The following SHANK2 variants were observed in gnomAD, a reference collection of about 807,000 sequenced individuals.
SHANK2 encodes SH3 and multiple ankyrin repeat domains 2, also known as SH3 and multiple ankyrin repeat domains protein 2.
Under a neutral mutation model 133.7 loss-of-function variants are expected in SHANK2, and 43 were observed. That is an observed-to-expected ratio of 0.32 (90% CI 0.25 to 0.41). The LOEUF (loss-of-function observed/expected upper bound fraction) is 0.41, where lower values mean the gene tolerates loss of function less well. Ranked by LOEUF, SHANK2 falls within the 10% of genes least tolerant of loss-of-function variation. The pLI is 1.00. For missense variants in SHANK2, 1,994 were observed against 2,235.8 expected, an observed-to-expected ratio of 0.89 and a Z score of 2.18; for synonymous variants, 1,017 against 952.8, an observed-to-expected ratio of 1.07 and a Z score of -1.24.
intron 17 of SHANK2, among the ~76,000 whole-genome samples, chr11:70,518,809 G>A (rs2059297060): frequency 1.3e-5 from 2 of 152,214 alleles, no homozygotes; most frequent in Admixed American, 1.3e-4. Context: ...GTTTTTAGCA[G>A]CCACTGGTAA....
chr11:71,099,876 T>C (rs1951689136), intron 6 of SHANK2, among the ~76,000 whole-genome samples: 2 of 151,878 alleles, frequency 1.3e-5, no homozygotes, highest in Non-Finnish European at 2.9e-5. Flanking sequence ...ACATGAGGCC[T>C]CACCTCTACT....
chr11:70,654,406 A>G (rs2061378297), intron 17 of SHANK2: 1 of 152,260 alleles, frequency 6.6e-6, no homozygotes, highest in Non-Finnish European at 1.5e-5. Flanking sequence ...AAATATGAAT[A>G]CTTCGATTCT....
chr11:70,540,200 C>T (rs2059601163), intron 17 of SHANK2, among the ~76,000 whole-genome samples: 1 of 152,212 alleles, frequency 6.6e-6, no homozygotes, highest in Non-Finnish European at 1.5e-5. Context: ...ATTCATTCCA[C>T]AGCCGTGAGT....
intron 11 of SHANK2, among the ~76,000 whole-genome samples, chr11:70,842,732 G>A (rs1169766828): frequency 6.6e-6 from 1 of 152,210 alleles, no homozygotes; most frequent in Non-Finnish European, 1.5e-5. Context: ...CTGTCCTGAA[G>A]CTAAAGGAGA....
intron 10 of SHANK2, among the ~76,000 whole-genome samples, chr11:70,925,017 C>T (rs773720529): frequency 3.9e-5 from 6 of 152,116 alleles, no homozygotes; most frequent in East Asian, 3.9e-4. Context: ...AGCAGAGATG[C>T]GCACTCTAAG....
At chr11:70,719,428 G>A (rs533165257) in intron 14 of SHANK2, among the ~76,000 whole-genome samples, 14 of 152,190 alleles carry the variant, frequency 9.2e-5, no homozygotes, top group Non-Finnish European at 1.9e-4. Flanking sequence ...GGCACCCAGT[G>A]GGTTGCTGGG....
rs146099978 is a variant in SHANK2, at chr11:70,637,842, G to A, written c.2061+21986C>T. Among the ~76,000 whole-genome samples the A allele has an allele frequency of 2.9e-3, 441 of 152,334 alleles. 3 individuals are homozygous for A. The highest frequency in any genetic ancestry group is 0.01 in the African/African-American group (421 of 41,580). On this transcript the variant is annotated intron_variant, in intron 17 of 25. Transcript: ENST00000601538. ...GCCTTGGTATCCCAGCCAGCCTCAG[G>A]CTGACCAGTGAGTCTACCCAGTGAC...
chr11:70,877,019 C>T (rs1555071475), intron 11 of SHANK2, among the ~76,000 whole-genome samples: 1 of 152,226 alleles, frequency 6.6e-6, no homozygotes, highest in African/African-American at 2.4e-5. Flanking sequence ...ACACATGGCC[C>T]TGGTGAGAAA....
At chr11:70,810,583 G>T (rs1034283446) in intron 12 of SHANK2, among the ~76,000 whole-genome samples, 1 of 152,336 alleles carries the variant, frequency 6.6e-6, no homozygotes, top group South Asian at 2.1e-4. Context: ...CAAGGCTGGC[G>T]GCCATCATGG....
chr11:71,175,550 GGGAGAGAGAGAGAGA>G lies in SHANK2; in HGVS notation c.-12-28227_-12-28213del, dbSNP rs1953418891. Among the ~76,000 whole-genome samples the G allele has an allele frequency of 6.6e-5, 1 of 15,134 alleles. No individual in the cohort carries two copies. The highest frequency in any genetic ancestry group is 3.6e-3 in the South Asian group (1 of 280). 9.9% of individuals were successfully genotyped at this position (15,134 alleles called of 152,430 possible). A position where few individuals can be genotyped will look rare whatever the true frequency, so the allele number is the denominator to read the frequency against. On this transcript the variant is annotated intron_variant, in intron 2 of 25. Transcript: ENST00000601538. This position sits in a 1 kb window ranked among gnomAD's most constrained non-coding sequence, Gnocchi z 4.2. ...ACAGACAGACAGAGGGAGAGGGAGAGGGAGAGAGAGAGAGAGAGAGAGAGAGAGAGAGAGAGAGAG... is the reference window on the plus strand; with the variant it reads ...ACAGACAGACAGAGGGAGAGGGAGAGGAGAGAGAGAGAGAGAGAGAGAGAG...
chr11:70,682,161 G>C (rs1191705537), intron 15 of SHANK2, among the ~76,000 whole-genome samples: 1 of 152,170 alleles, frequency 6.6e-6, no homozygotes, highest in African/African-American at 2.4e-5. Context: ...GCACCACAAG[G>C]CCGGGCCAGG....
chr11:71,065,143 G>T (rs1340281257), intron 9 of SHANK2, among the ~76,000 whole-genome samples: 5 of 152,200 alleles, frequency 3.3e-5, no homozygotes, highest in African/African-American at 1.2e-4. Flanking sequence ...AGGGGTGAAA[G>T]TCTGACCACA....
chr11:70,627,568 T>G (rs782096196), intron 17 of SHANK2, among the ~76,000 whole-genome samples: 3 of 152,220 alleles, frequency 2.0e-5, no homozygotes, highest in Non-Finnish European at 4.4e-5. Flanking sequence ...TCCTAAACGC[T>G]TGGACTAGAA....
chr11:70,648,938 G>C (rs1202829753), intron 17 of SHANK2, among the ~76,000 whole-genome samples: 1 of 152,204 alleles, frequency 6.6e-6, no homozygotes, highest in Non-Finnish European at 1.5e-5. Context: ...AGAGGGTTAT[G>C]AGCGGGCATC....
At chr11:71,091,932 C>A (rs1368533532) in intron 8 of SHANK2, among the ~76,000 whole-genome samples, 1 of 152,230 alleles carries the variant, frequency 6.6e-6, no homozygotes, top group African/African-American at 2.4e-5. Context: ...CTGTTTCTTG[C>A]CAAGACCAGG....
intron 2 of SHANK2, among the ~76,000 whole-genome samples, chr11:71,147,996 G>A (rs1444172999): frequency 2.5e-4 from 38 of 152,116 alleles, no homozygotes; most frequent in African/African-American, 8.4e-4. Context: ...AGCTGAGAGT[G>A]CAGCTTCCTC....
chr11:71,169,999 T>G (rs1953278820), intron 2 of SHANK2, among the ~76,000 whole-genome samples: 1 of 150,196 alleles, frequency 6.7e-6, no homozygotes, highest in Admixed American at 6.6e-5. Flanking sequence ...CTGGACATAA[T>G]AGCAAGACCT....
chr11:71,135,971 G>A (rs1465903124), intron 3 of SHANK2, among the ~76,000 whole-genome samples: 8 of 152,122 alleles, frequency 5.3e-5, no homozygotes, highest in Non-Finnish European at 4.4e-5. Context: ...GCTTGCGGGG[G>A]TCTAGAAGGT....
At chr11:70,883,143 C>A (rs113377903) in intron 11 of SHANK2, among the ~76,000 whole-genome samples, 2 of 152,114 alleles carry the variant, frequency 1.3e-5, no homozygotes, top group African/African-American at 4.8e-5. Flanking sequence ...CATCCTCCTG[C>A]GCCGAAAACG....
Sources: gnomAD v4.1 joint callset for allele counts (sites outside exome capture counted in the v4.1 genomes callset) on GRCh38, gnomAD v4.1.1 for gene constraint, Gnocchi (gnomAD v3.1) non-coding constraint, MANE v1.5 for transcripts, NCBI Gene and HGNC (gene_info 2026-07-23, HGNC 2026-07-21) for gene names.